Variants in CAMK2B observed in about 807,000 individuals in gnomAD.
CAMK2B encodes calcium/calmodulin-dependent protein kinase type II subunit beta.
CAMK2B carries 27 observed loss-of-function variants against 93.7 expected under a neutral mutation model. That is an observed-to-expected ratio of 0.29 (90% CI 0.21 to 0.40). The LOEUF (loss-of-function observed/expected upper bound fraction) is 0.40. Ranked by LOEUF, CAMK2B falls within the 10% of genes least tolerant of loss-of-function variation. The pLI, the probability that CAMK2B is intolerant of heterozygous loss-of-function variation, is 1.00. For synonymous variants in CAMK2B, 374 were observed against 358.8 expected, an observed-to-expected ratio of 1.04 and a Z score of -0.48; for missense variants, 568 against 895.8, an observed-to-expected ratio of 0.63 and a Z score of 4.67.
At chr7:44,251,320 G>A (rs2096778457) in intron 5 of CAMK2B, among the ~76,000 whole-genome samples, 1 of 152,206 alleles carries the variant, frequency 6.6e-6, no homozygotes, top group Non-Finnish European at 1.5e-5. Context: ...GGCTATGCTT[G>A]TTGGGTAGGG....
Position 44,286,818 on chromosome 7 carries a change from G to A in CAMK2B, c.66-2593C>T, listed in dbSNP as rs898699271. The stretch of plus-strand genomic sequence containing the variant: ...AGCCAGGGGGCCAAGGCCAGGCAGC[G>A]CCGCTGAGGAAGGAGGAAGGCATGG... On this transcript the variant is annotated intron_variant, in intron 1 of 23. Transcript: ENST00000395749. The surrounding 1 kb of genome is among the most constrained non-coding windows in gnomAD (Gnocchi z 4.0). Among the ~76,000 whole-genome samples the A allele has an allele frequency of 3.9e-5, 6 of 152,210 alleles. No homozygotes were observed. Among genetic ancestry groups the A allele is most frequent in the Non-Finnish European group, 7.4e-5 (5 of 68,020 alleles).
intron 3 of CAMK2B, among the ~76,000 whole-genome samples, chr7:44,261,381 G>A (rs2096877985): frequency 6.6e-6 from 1 of 152,248 alleles, no homozygotes; most frequent in South Asian, 2.1e-4. Context: ...CCCATGGGCA[G>A]CTCCAAGGGA....
At chr7:44,313,066 C>T (rs941574068) in intron 1 of CAMK2B, among the ~76,000 whole-genome samples, 6 of 152,090 alleles carry the variant, frequency 3.9e-5, no homozygotes, top group Admixed American at 2.6e-4. Flanking sequence ...TCCTCAGCAG[C>T]GGCCTTGTGA....
At chr7:44,239,487 G>C (rs2096656133) in intron 13 of CAMK2B, 102 bp downstream of exon 13, 1 of 1,089,442 alleles carries the variant, frequency 9.2e-7, no homozygotes. Context: ...CGGCCTCTGG[G>C]GCGGCTCTGG....
intron 13 of CAMK2B, among the ~76,000 whole-genome samples, chr7:44,236,649 A>G (rs1002304358): frequency 6.6e-6 from 1 of 152,156 alleles, no homozygotes; most frequent in Non-Finnish European, 1.5e-5. Context: ...GCTTCCCTGT[A>G]ACTTGCTATG....
chr7:44,230,928 GCC>G, intron 17 of CAMK2B, 76 bp downstream of exon 17: 1 of 1,285,624 alleles, frequency 7.8e-7, no homozygotes, highest in Admixed American at 2.1e-5. Flanking sequence ...AGTTGACCCT[GCC>G]CAAGTCCCAC....
chr7:44,313,291 T>C (rs1245807843), intron 1 of CAMK2B, among the ~76,000 whole-genome samples: 1 of 152,120 alleles, frequency 6.6e-6, no homozygotes, highest in African/African-American at 2.4e-5. Context: ...ATGGAAGTCG[T>C]CCTGCTGCTA....
chr7:44,264,243 G>A (rs79377702), intron 2 of CAMK2B, among the ~76,000 whole-genome samples: 11,829 of 152,200 alleles, frequency 0.078, 632 homozygotes, highest in Non-Finnish European at 0.11. Flanking sequence ...AATCATCCTT[G>A]GGAAGCATTA....
Position 44,286,946 on chromosome 7 carries a change from C to G in CAMK2B, c.66-2721G>C, listed in dbSNP as rs1028390117. Among the ~76,000 whole-genome samples the G allele has an allele frequency of 1.2e-4, 19 of 152,132 alleles. No individual in the cohort carries two copies. Among genetic ancestry groups the G allele is most frequent in the African/African-American group, 4.3e-4 (18 of 41,424 alleles). ...TGCCAGGCACCCAGCAGACACTCAG[C>G]AGGAAGGGACCAGGGGTGCAGGGAC... On this transcript the variant is annotated intron_variant, in intron 1 of 23. Coordinates refer to ENST00000395749, the MANE Select transcript of CAMK2B (RefSeq NM_001220.5). This position sits in a 1 kb window ranked among gnomAD's most constrained non-coding sequence, Gnocchi z 4.0.
At position 44,237,457 on chromosome 7, in the gene CAMK2B, C is replaced by T. The variant is rs150454474; in HGVS notation, c.1021+2132G>A. ...CTCTGGGAAGCCCTGCAGCAGACGT[C>T]CCTGTTGTCTCAGTCAGTTCCCAAA... On this transcript the variant is annotated intron_variant, in intron 13 of 23. Transcript: ENST00000395749. 6.6e-5 allele frequency among the ~76,000 whole-genome samples: 10 copies of T among 152,376 alleles called. No homozygotes were observed. The East Asian group carries it at 1.5e-3, about 24-fold the overall frequency.
intron 1 of CAMK2B, among the ~76,000 whole-genome samples, chr7:44,303,177 T>G (rs1790558276): frequency 6.6e-6 from 1 of 152,176 alleles, no homozygotes; most frequent in African/African-American, 2.4e-5. Context: ...AGTGAAATAC[T>G]TAGGTATAAA....
At chr7:44,303,191 A>T (rs1790564816) in intron 1 of CAMK2B, among the ~76,000 whole-genome samples, 1 of 152,198 alleles carries the variant, frequency 6.6e-6, no homozygotes, top group Non-Finnish European at 1.5e-5. Flanking sequence ...GTATAAATCT[A>T]ACAAAATATG....
At chr7:44,240,131 C>T (rs1292576187) in intron 12 of CAMK2B, among the ~76,000 whole-genome samples, 1 of 122,318 alleles carries the variant, frequency 8.2e-6, no homozygotes, top group African/African-American at 3.3e-5. Flanking sequence ...GGGCTGCCGG[C>T]TCCACTCCGG....
intron 17 of CAMK2B, among the ~76,000 whole-genome samples, chr7:44,230,728 G>A (rs2096571182): frequency 6.6e-6 from 1 of 152,236 alleles, no homozygotes; most frequent in African/African-American, 2.4e-5. Flanking sequence ...GGGTCCTGGT[G>A]TGGAGAACCT....
chr7:44,307,965 A>G (rs569575525), intron 1 of CAMK2B, among the ~76,000 whole-genome samples: 3 of 152,132 alleles, frequency 2.0e-5, no homozygotes, highest in African/African-American at 7.2e-5. Flanking sequence ...TCCTAGCCTA[A>G]GTGATCCTCC....
chr7:44,263,415 C>A (rs2096897099), intron 2 of CAMK2B, among the ~76,000 whole-genome samples: 1 of 152,214 alleles, frequency 6.6e-6, no homozygotes, highest in Non-Finnish European at 1.5e-5. Flanking sequence ...TTGGCTGAAG[C>A]CAAATTTGTT....
intron 20 of CAMK2B, among the ~76,000 whole-genome samples, chr7:44,223,330 T>C (rs1008247228): frequency 6.6e-6 from 1 of 152,210 alleles, no homozygotes; most frequent in African/African-American, 2.4e-5. Context: ...ATGTCATGGA[T>C]GGTCCTCAGG....
At position 44,325,273 on chromosome 7, in the gene CAMK2B, G is replaced by T. The variant is rs564992466; in HGVS notation, c.65+84C>A. The T allele has an allele frequency of 5.1e-6, 4 of 781,238 alleles. No individual in the cohort carries two copies. In the African/African-American group the frequency reaches 5.7e-5, roughly 11 times the overall value. 48.4% of individuals were successfully genotyped at this position (781,238 alleles called of 1,614,324 possible). On this transcript the variant is annotated intron_variant, in intron 1 of 23. Transcript: ENST00000395749. ...CCGGCGGCGCGCGGGCCCGCAGTGC[G>T]CCTGGAGCCGGCGGCGCGGAGGGTC...
At chr7:44,239,558 G>A in intron 13 of CAMK2B, 31 bp downstream of exon 13, 2 of 1,525,750 alleles carry the variant, frequency 1.3e-6, no homozygotes, top group Non-Finnish European at 1.8e-6. Flanking sequence ...ACGGGCGGGA[G>A]CGGGCGGGAC....
Sources: gnomAD v4.1 joint callset for allele counts (sites outside exome capture counted in the v4.1 genomes callset) on GRCh38, gnomAD v4.1.1 for gene constraint, Gnocchi (gnomAD v3.1) non-coding constraint, MANE v1.5 for transcripts, NCBI Gene and HGNC (gene_info 2026-07-23, HGNC 2026-07-21) for gene names.